Variants in GRIK3 observed in about 807,000 individuals in gnomAD.
GRIK3 encodes the protein glutamate receptor ionotropic, kainate 3.
A neutral mutation model predicts 102.5 loss-of-function variants in GRIK3; 29 were observed. The ratio of observed to expected loss-of-function variants is 0.28; its 90% CI spans 0.21 to 0.39. The LOEUF is 0.39. GRIK3 is among the 10% of genes least tolerant of loss of function. The probability of loss-of-function intolerance (pLI) is 1.00; values close to 1 mark genes in which losing one functional copy is unlikely to be tolerated. For synonymous variants in GRIK3, 511 were observed against 504.9 expected (o/e 1.01, Z -0.16); for missense variants, 908 against 1,252.4 (o/e 0.73, Z 4.15).
chr1:36,999,289 G>A (rs1213616063), intron 1 of GRIK3, among the ~76,000 whole-genome samples: 1 of 152,138 alleles, frequency 6.6e-6, no homozygotes, highest in East Asian at 1.9e-4. Context: ...AGGTGGGAGA[G>A]GAAGCTGCAG....
intron 1 of GRIK3, among the ~76,000 whole-genome samples, chr1:36,919,607 AT>A (rs946807090): frequency 2.0e-5 from 3 of 152,156 alleles, no homozygotes. Flanking sequence ...CCTGCCAGCC[AT>A]CTCCTTCCAG....
chr1:36,948,311 G>C (rs1208346794), intron 1 of GRIK3, among the ~76,000 whole-genome samples: 1 of 152,252 alleles, frequency 6.6e-6, no homozygotes, highest in African/African-American at 2.4e-5. Context: ...CTGTGTGCCA[G>C]ATCCTGTACT....
intron 11 of GRIK3, among the ~76,000 whole-genome samples, chr1:36,820,401 G>T (rs1225579199): frequency 6.6e-6 from 1 of 152,094 alleles, no homozygotes; most frequent in Admixed American, 6.5e-5. Flanking sequence ...TAGAAAATAA[G>T]AACAATATGA....
chr1:36,844,128 T>C (rs1399125933), intron 9 of GRIK3, among the ~76,000 whole-genome samples: 1 of 152,236 alleles, frequency 6.6e-6, no homozygotes, highest in Non-Finnish European at 1.5e-5. Context: ...GCCCCATGCT[T>C]GATCCACTGG....
chr1:36,970,294 C>A (rs1449295044), intron 1 of GRIK3, among the ~76,000 whole-genome samples: 1 of 152,176 alleles, frequency 6.6e-6, no homozygotes, highest in African/African-American at 2.4e-5. Flanking sequence ...ATGTCTTCCA[C>A]AGGTGATGAG....
Position 36,986,415 on chromosome 1 carries a change from T to TGTCC in GRIK3, c.115+47575_115+47578dup, listed in dbSNP as rs1264770261. On this transcript the variant is annotated intron_variant, in intron 1 of 15. Coordinates refer to ENST00000373091, the MANE Select transcript of GRIK3 (RefSeq NM_000831.4). ...TCCATCCATCCTGTCCCCATCTCTC[T>TGTCC]GTCCATCCATCCATCCATCCATCCA... Among the ~76,000 whole-genome samples, 28 of 69,014 alleles carry TGTCC rather than the reference T, an allele frequency of 4.1e-4. No homozygotes were observed. The South Asian group carries it at 7.7e-3, about 19-fold the overall frequency. 45.3% of individuals were successfully genotyped at this position (69,014 alleles called of 152,430 possible). A position where few individuals can be genotyped will look rare whatever the true frequency, so the allele number is the denominator to read the frequency against.
At chr1:37,023,442 G>T (rs916478084) in intron 1 of GRIK3, among the ~76,000 whole-genome samples, 1 of 152,182 alleles carries the variant, frequency 6.6e-6, no homozygotes, top group Non-Finnish European at 1.5e-5. Flanking sequence ...CAATGCAGTG[G>T]ATCAGAGAGG....
At chr1:37,008,349 T>G (rs979106052) in intron 1 of GRIK3, among the ~76,000 whole-genome samples, 1 of 152,226 alleles carries the variant, frequency 6.6e-6, no homozygotes, top group Admixed American at 6.5e-5. Context: ...ATTGGGTTTG[T>G]GTGAGGACTG....
chr1:36,895,805 C>G (rs1641165751), intron 1 of GRIK3, among the ~76,000 whole-genome samples: 1 of 151,710 alleles, frequency 6.6e-6, no homozygotes, highest in African/African-American at 2.4e-5. Context: ...AAATATGTCC[C>G]CAAAATGACA....
chr1:37,026,154 C>T (rs968980788), intron 1 of GRIK3, among the ~76,000 whole-genome samples: 9 of 152,220 alleles, frequency 5.9e-5, no homozygotes, highest in Non-Finnish European at 8.8e-5. Context: ...ATCCCATAAC[C>T]AGGGTCTTCC....
chr1:36,973,986 C>G (rs974880531), intron 1 of GRIK3, among the ~76,000 whole-genome samples: 1 of 152,120 alleles, frequency 6.6e-6, no homozygotes, highest in African/African-American at 2.4e-5. Flanking sequence ...AGACATGTGC[C>G]CAGCTTCTCT....
intron 5 of GRIK3, among the ~76,000 whole-genome samples, chr1:36,869,499 C>T (rs1420050121): frequency 2.6e-5 from 4 of 152,190 alleles, no homozygotes; most frequent in African/African-American, 9.7e-5. Flanking sequence ...GCCAAGGAAC[C>T]ACAGTGGTGA....
intron 10 of GRIK3, 81 bp from the exon 11 acceptor site, chr1:36,825,907 G>T: frequency 9.9e-7 from 1 of 1,010,270 alleles, no homozygotes; most frequent in Non-Finnish European, 1.5e-6. Flanking sequence ...TGCTGGAGGA[G>T]AGATGAGGGT....
At chr1:36,900,184 A>G (rs910000502) in intron 1 of GRIK3, among the ~76,000 whole-genome samples, 18 of 152,224 alleles carry the variant, frequency 1.2e-4, no homozygotes, top group African/African-American at 4.3e-4. Flanking sequence ...AAAGACTAGA[A>G]ATCATATAAT....
At position 36,848,996 on chromosome 1, in the gene GRIK3, T is replaced by C. The variant is rs1016816180; in HGVS notation, c.1326+1315A>G. 2.6e-5 allele frequency among the ~76,000 whole-genome samples: 4 copies of C among 152,302 alleles called. No homozygotes were observed. In the South Asian group the frequency reaches 8.3e-4, roughly 32 times the overall value. ...CTCTTCAGGCTCTGTGGGCAGCTTGTCTGGAGCCACCGTGAGATCTCCATC... is the reference window on the plus strand; with the variant it reads ...CTCTTCAGGCTCTGTGGGCAGCTTGCCTGGAGCCACCGTGAGATCTCCATC... On this transcript the variant is annotated intron_variant, in intron 9 of 15. Coordinates refer to ENST00000373091, the MANE Select transcript of GRIK3 (RefSeq NM_000831.4).
chr1:37,030,082 G>T (rs1642803929), intron 1 of GRIK3, among the ~76,000 whole-genome samples: 1 of 152,224 alleles, frequency 6.6e-6, no homozygotes, highest in Non-Finnish European at 1.5e-5. Flanking sequence ...GAAAGCTGGG[G>T]CTAACAGCAG....
chr1:36,979,286 G>A (rs3753772), intron 1 of GRIK3, among the ~76,000 whole-genome samples: 3,265 of 152,300 alleles, frequency 0.021, 125 homozygotes, highest in African/African-American at 0.075. Context: ...TGGACCAATG[G>A]CATGTGCCAA....
rs1642415331 is a variant in GRIK3 at position 36,799,472 on chromosome 1, T to G, written c.*2379A>C. The G allele has an allele frequency of 6.6e-6, 1 of 152,402 alleles. No homozygotes were observed. The highest frequency in any genetic ancestry group is 2.4e-5 in the African/African-American group (1 of 41,466). The allele number at this position is 152,402 out of a possible 1,614,324, so 9.4% of individuals were successfully genotyped here. On this transcript the variant is annotated 3_prime_UTR_variant, in exon 16 of 16. Transcript: ENST00000373091. ...CTGGCCTTCCCCCCGCTCCCCACTG[T>G]GCACACATGCCTGTACACATGTGTT...
At chr1:36,858,693 G>A (rs753902973) in intron 7 of GRIK3, among the ~76,000 whole-genome samples, 10 of 152,148 alleles carry the variant, frequency 6.6e-5, no homozygotes, top group African/African-American at 2.4e-4. Flanking sequence ...CACTTTCCAC[G>A]CAATGTCTAA....
Sources: gnomAD v4.1 joint callset for allele counts (sites outside exome capture counted in the v4.1 genomes callset) on GRCh38, gnomAD v4.1.1 for gene constraint, MANE v1.5 for transcripts, NCBI Gene and HGNC (gene_info 2026-07-23, HGNC 2026-07-21) for gene names.